Variants in PRPF8 observed in about 807,000 individuals in gnomAD.
PRPF8 encodes pre-mRNA-processing-splicing factor 8.
In PRPF8, 64 loss-of-function variants were observed where a neutral mutation model predicts 285.9. The ratio of observed to expected loss-of-function variants is 0.22; its 90% CI spans 0.18 to 0.28. The LOEUF (loss-of-function observed/expected upper bound fraction) is 0.28, where lower values mean the gene tolerates loss of function less well. Ranked by LOEUF, PRPF8 falls within the 10% of genes least tolerant of loss-of-function variation. The pLI is 1.00. For missense variants in PRPF8, 1,426 were observed against 3,026.7 expected (o/e 0.47, Z 12.41); for synonymous variants, 1,325 against 1,118.2 (o/e 1.18, Z -3.69).
At chr17:1,657,644 TC>T (rs1343140138) in intron 34 of PRPF8, among the ~76,000 whole-genome samples, 11 of 102,428 alleles carry the variant, frequency 1.1e-4, no homozygotes, top group African/African-American at 3.5e-4. Context: ...AGACTCCGTC[TC>T]AAAAAAAAAA....
At chr17:1,678,450 A>C (rs1248154996) in intron 13 of PRPF8, 68 bp downstream of exon 13, 2 of 1,606,064 alleles carry the variant, frequency 1.2e-6, no homozygotes, top group African/African-American at 2.7e-5. Context: ...GCCATTGCAC[A>C]CCAGCCCAAG....
chr17:1,675,874 G>A lies in PRPF8; in HGVS notation c.2679+54C>T. 1.2e-6 allele frequency: 2 copies of A among 1,606,010 alleles called. No homozygotes were observed. The highest frequency in any genetic ancestry group is 1.1e-5 in the South Asian group (1 of 91,030). On this transcript the variant is annotated intron_variant, in intron 18 of 42. Transcript: ENST00000304992. The surrounding 1 kb of genome is among the most constrained non-coding windows in gnomAD (Gnocchi z 6.0). Reference sequence around the variant, plus strand: ...AACTGCTACCTTTGGTAGAACCAAAGGCAACTGCTACCTTTGGTAGAACCA... The same window carrying A: ...AACTGCTACCTTTGGTAGAACCAAAAGCAACTGCTACCTTTGGTAGAACCA...
chr17:1,678,664 T>C lies in PRPF8; in HGVS notation c.1720-12A>G. 2 of 1,614,112 alleles carry C rather than the reference T, an allele frequency of 1.2e-6. No homozygotes were observed. Among genetic ancestry groups the C allele is most frequent in the East Asian group, 2.2e-5 (1 of 44,890 alleles). ...AATCCATCTGCCAGCTGCAATACAA[T>C]TGCCCCATCAGACCTGGAGCTTAAA... On this transcript the variant is annotated splice_polypyrimidine_tract_variant and intron_variant, in intron 12 of 42. Coordinates refer to ENST00000304992, the MANE Select transcript of PRPF8 (RefSeq NM_006445.4).
At position 1,658,195 on chromosome 17, in the gene PRPF8, A is replaced by T; in HGVS notation, c.5505+58T>A. On this transcript the variant is annotated intron_variant, in intron 34 of 42. Transcript: ENST00000304992. The surrounding 1 kb of genome is among the most constrained non-coding windows in gnomAD (Gnocchi z 4.1). ...TAAACCAGTAAATATTACCAAGTCC[A>T]CCCCAAGAATAAGAGGCAACATGGT... The T allele has an allele frequency of 6.2e-7, 1 of 1,612,160 alleles. No homozygotes were observed. The highest frequency in any genetic ancestry group is 8.5e-7 in the Non-Finnish European group (1 of 1,179,354).
chr17:1,660,409 C>T (rs1176010859), intron 30 of PRPF8, 23 bp downstream of exon 30: 2 of 1,613,500 alleles, frequency 1.2e-6, no homozygotes, highest in South Asian at 2.2e-5. Context: ...CTACAGTACC[C>T]TCTCCCCTCG....
rs11078564 is a variant in PRPF8, at chr17:1,673,268, C to T, written c.3658-71G>A. ...AAGCAAGAGCCAACTGTGCCCACCACTCAAGTCTTTCCACCCAACAAGACT... is the reference window on the plus strand; with the variant it reads ...AAGCAAGAGCCAACTGTGCCCACCATTCAAGTCTTTCCACCCAACAAGACT... On this transcript the variant is annotated intron_variant, in intron 23 of 42. Coordinates refer to ENST00000304992, the MANE Select transcript of PRPF8 (RefSeq NM_006445.4). The surrounding 1 kb of genome is among the most constrained non-coding windows in gnomAD (Gnocchi z 5.5). 0.18 allele frequency: 289,920 copies of T among 1,604,806 alleles called. 31,842 individuals carry two copies. The highest frequency in any genetic ancestry group is 0.52 in the African/African-American group (39,107 of 74,686).
chr17:1,680,821 G>T lies in PRPF8; in HGVS notation c.1003C>A (p.Pro335Thr), dbSNP rs141226955. ...HHVHLTWYHT[P>T]NVVFIKTEDP... is the part of the protein sequence containing the mutation. ...TCAGTTTTGATGAATACAACATTGG[G>T]AGTATGGTACCTAAAATGAAAGGAA... The change falls in exon 8 of 43, where the codon CCC (proline) becomes ACC (threonine). Residue 335 changes from proline (P) to threonine (T), a missense_variant. This residue lies in a region of PRPF8 where 157 missense variants were observed against 159.6 expected (regional missense o/e 0.98). Transcript: ENST00000304992. 6.2e-7 allele frequency: 1 copy of T among 1,614,056 alleles called. No individual in the cohort carries two copies. Among genetic ancestry groups the T allele is most frequent in the Non-Finnish European group, 8.5e-7 (1 of 1,179,996 alleles).
chr17:1,674,388 G>A, intron 21 of PRPF8, 54 bp downstream of exon 21: 2 of 1,560,046 alleles, frequency 1.3e-6, no homozygotes, highest in Non-Finnish European at 1.8e-6. Flanking sequence ...GATTTCAGAG[G>A]CAAAGCACAT....
At chr17:1,668,067 T>C (rs1912092957) in intron 24 of PRPF8, among the ~76,000 whole-genome samples, 1 of 152,264 alleles carries the variant, frequency 6.6e-6, no homozygotes, top group African/African-American at 2.4e-5. Context: ...GTCCTATCAG[T>C]ATCCCTATTT....
chr17:1,672,052 T>A (rs1365688172), intron 24 of PRPF8, among the ~76,000 whole-genome samples: 7 of 151,860 alleles, frequency 4.6e-5, no homozygotes, highest in Non-Finnish European at 1.0e-4. Context: ...AAAGAAAATC[T>A]GAAATCCAAA....
At position 1,659,851 on chromosome 17, in the gene PRPF8, C is replaced by T. The variant is rs1400291778; in HGVS notation, c.4936G>A (p.Ala1646Thr). The change falls in exon 31 of 43, where the codon GCT becomes ACT. Residue 1646 changes from alanine (A) to threonine (T), a missense_variant. Coordinates refer to ENST00000304992, the MANE Select transcript of PRPF8 (RefSeq NM_006445.4). This position sits in a 1 kb window ranked among gnomAD's most constrained non-coding sequence, Gnocchi z 5.1. ...KWNVSRPSLL[A>T]DSKDVMDSTT... ...TCCTGAGGCACTTACTTGGAGTCAG[C>T]CAGCAATGAGGGCCGGGAGACATTC... The T allele has an allele frequency of 1.2e-6, 2 of 1,614,100 alleles. No homozygotes were observed.
chr17:1,656,358 T>G (rs769758462), intron 36 of PRPF8, 34 bp downstream of exon 36: 1 of 1,613,876 alleles, frequency 6.2e-7, no homozygotes, highest in African/African-American at 1.3e-5. Context: ...AACCCGCTCC[T>G]CCTCCAGCGA....
In PRPF8 at chr17:1,675,149, C is replaced by T; in HGVS notation, c.3060+3G>A. The T allele has an allele frequency of 6.2e-7, 1 of 1,613,358 alleles. No homozygotes were observed. The highest frequency in any genetic ancestry group is 2.2e-5 in the East Asian group (1 of 44,886). ...ATTCCATGCTACTGCGCCTGAGACG[C>T]ACCTTATAGTTGATGACGACGTTGT... is the stretch of plus-strand genomic sequence containing the variant. On this transcript the variant is annotated splice_donor_region_variant and intron_variant, in intron 20 of 42. Transcript: ENST00000304992. This position sits in a 1 kb window ranked among gnomAD's most constrained non-coding sequence, Gnocchi z 6.0.
intron 2 of PRPF8, among the ~76,000 whole-genome samples, chr17:1,684,060 T>G (rs1913090185): frequency 6.6e-6 from 1 of 152,052 alleles, no homozygotes; most frequent in Non-Finnish European, 1.5e-5. Flanking sequence ...CTCATTTTTG[T>G]ATTTTTCGTA....
intron 36 of PRPF8, 60 bp downstream of exon 36, chr17:1,656,332 T>A: frequency 6.2e-7 from 1 of 1,604,940 alleles, no homozygotes; most frequent in East Asian, 2.2e-5. Context: ...TGACACAGGA[T>A]CTTCTCCTAA....
chr17:1,653,168 G>C lies in PRPF8; in HGVS notation c.6369+374C>G. ...TTGGTCAGGCTGGTCTCAAACCCCT[G>C]ACCTCAGGTGATCCACCCACCTAGG... On this transcript the variant is annotated intron_variant, in intron 39 of 42. Coordinates refer to ENST00000304992, the MANE Select transcript of PRPF8 (RefSeq NM_006445.4). This position sits in a 1 kb window ranked among gnomAD's most constrained non-coding sequence, Gnocchi z 4.9. The C allele has an allele frequency of 2.6e-6, 1 of 386,424 alleles. No individual in the cohort carries two copies. Among genetic ancestry groups the C allele is most frequent in the Middle Eastern group, 8.5e-4 (1 of 1,174 alleles). The allele number at this position is 386,424 out of a possible 1,614,324, so 23.9% of individuals were successfully genotyped here.
chr17:1,665,159 C>CAAA (rs562789942), intron 24 of PRPF8, among the ~76,000 whole-genome samples: 7,230 of 53,374 alleles, frequency 0.14, 1,150 homozygotes, highest in African/African-American at 0.4. Context: ...GACTCTGCCT[C>CAAA]AAAAAAAAAA....
chr17:1,654,378 T>G (rs1597226642), intron 37 of PRPF8: 1 of 415,032 alleles, frequency 2.4e-6, no homozygotes, highest in Non-Finnish European at 4.5e-6. Flanking sequence ...TATGGATAAT[T>G]TTGGTTGCCA....
chr17:1,683,763 C>A, intron 2 of PRPF8, 62 bp from the exon 3 acceptor site: 1 of 1,597,448 alleles, frequency 6.3e-7, no homozygotes, highest in Non-Finnish European at 8.5e-7. Flanking sequence ...TCACCTCTTG[C>A]CCTAGGGTAA....
Sources: gnomAD v4.1 joint callset for allele counts (sites outside exome capture counted in the v4.1 genomes callset) on GRCh38, gnomAD v4.1.1 for gene constraint, gnomAD v4.1.1 regional missense constraint, Gnocchi (gnomAD v3.1) non-coding constraint, MANE v1.5 for transcripts, NCBI Gene and HGNC (gene_info 2026-07-23, HGNC 2026-07-21) for gene names.